The following TLE4 variants were observed in gnomAD, a reference collection of about 807,000 sequenced individuals.
TLE4 encodes TLE family member 4, transcriptional corepressor, also known as transducin-like enhancer protein 4.
Under a neutral mutation model 92.8 loss-of-function variants are expected in TLE4, and 8 were observed. The observed-to-expected ratio is 0.09, with a 90% CI of 0.05 to 0.16. TLE4 has a LOEUF of 0.16. Among genes scored for constraint, TLE4 ranks in the 10% least tolerant of loss-of-function variants. The pLI, the probability that TLE4 is intolerant of heterozygous loss-of-function variation, is 1.00. For missense variants in TLE4, 675 were observed against 997.6 expected, an observed-to-expected ratio of 0.68 and a Z score of 4.36; for synonymous variants, 371 against 374.1, an observed-to-expected ratio of 0.99 and a Z score of 0.10.
At chr9:79,608,078 G>T (rs1296082642) in intron 4 of TLE4, among the ~76,000 whole-genome samples, 1 of 151,954 alleles carries the variant, frequency 6.6e-6, no homozygotes, top group South Asian at 2.1e-4. Context: ...TTGCCTGTTT[G>T]CCCTGGCCAG....
chr9:79,646,899 G>T (rs2058191822), intron 6 of TLE4, among the ~76,000 whole-genome samples: 2 of 152,124 alleles, frequency 1.3e-5, no homozygotes, highest in Admixed American at 1.3e-4. Context: ...ATAAAACGGT[G>T]ACTGATAAAC....
intron 6 of TLE4, among the ~76,000 whole-genome samples, chr9:79,628,082 T>G (rs1439510150): frequency 6.7e-6 from 1 of 149,298 alleles, no homozygotes; most frequent in Non-Finnish European, 1.5e-5. Context: ...TATATGTATG[T>G]TTTTTTTTTC....
At chr9:79,607,306 C>A (rs2047267807) in intron 4 of TLE4, among the ~76,000 whole-genome samples, 1 of 152,020 alleles carries the variant, frequency 6.6e-6, no homozygotes, top group Admixed American at 6.6e-5. Flanking sequence ...CAAAAATTTT[C>A]TCCCATTCTG....
intron 4 of TLE4, among the ~76,000 whole-genome samples, chr9:79,588,183 C>G (rs2041657126): frequency 7.5e-6 from 1 of 133,200 alleles, no homozygotes; most frequent in Non-Finnish European, 1.6e-5. Context: ...GAGTCTCGCC[C>G]TGTTGCCAGG....
intron 4 of TLE4, among the ~76,000 whole-genome samples, chr9:79,599,547 A>G (rs2045034967): frequency 6.6e-6 from 1 of 152,216 alleles, no homozygotes; most frequent in South Asian, 2.1e-4. Context: ...TTGACGAGAA[A>G]GGGTCCCAAA....
chr9:79,591,814 T>C (rs1052576445), intron 4 of TLE4, among the ~76,000 whole-genome samples: 1 of 152,070 alleles, frequency 6.6e-6, no homozygotes, highest in Non-Finnish European at 1.5e-5. Context: ...AAAGATACTT[T>C]AGAAGGGGAG....
intron 6 of TLE4, among the ~76,000 whole-genome samples, chr9:79,640,117 T>A (rs540732717): frequency 6.6e-6 from 1 of 151,990 alleles, no homozygotes; most frequent in East Asian, 1.9e-4. Flanking sequence ...CCCTGGAAAT[T>A]TGGAACATAA....
chr9:79,707,052 T>C (rs753726277), intron 11 of TLE4, 153 bp downstream of exon 11: 50 of 1,580,090 alleles, frequency 3.2e-5, no homozygotes, highest in African/African-American at 4.1e-5. Flanking sequence ...GGCAAAAGTA[T>C]GTAGAGCAGA....
chr9:79,594,339 AC>A (rs1245503555), intron 4 of TLE4, among the ~76,000 whole-genome samples: 12 of 152,216 alleles, frequency 7.9e-5, no homozygotes, highest in African/African-American at 2.7e-4. Flanking sequence ...TTCCATTTCT[AC>A]ATTGTATCTC....
Position 79,618,784 on chromosome 9 carries a change from A to G in TLE4, c.315+6066A>G, listed in dbSNP as rs144677915. Among the ~76,000 whole-genome samples the G allele has an allele frequency of 5.9e-5, 9 of 152,330 alleles. No homozygotes were observed. In the East Asian group the frequency reaches 1.5e-3, roughly 26 times the overall value. On this transcript the variant is annotated intron_variant, in intron 5 of 19. Transcript: ENST00000376552. ...CACACCTGGGGGCCTGCACTTGCAC[A>G]TGAACGGAGCTGTTTTTCCCTTGCA...
chr9:79,630,067 C>G (rs189588520), intron 6 of TLE4, among the ~76,000 whole-genome samples: 13 of 152,262 alleles, frequency 8.5e-5, no homozygotes, highest in Admixed American at 3.3e-4. Flanking sequence ...GAGGCAAAGA[C>G]CCATCTAAGC....
Position 79,576,181 on chromosome 9 carries a change from A to C in TLE4, c.252+4A>C, listed in dbSNP as rs2037684941. The C allele has an allele frequency of 1.3e-6, 2 of 1,532,828 alleles. No homozygotes were observed. The highest frequency in any genetic ancestry group is 1.8e-6 in the Non-Finnish European group (2 of 1,131,514). The allele number at this position is 1,532,828 out of a possible 1,614,324, so 95.0% of individuals were successfully genotyped here. On this transcript the variant is annotated splice_donor_region_variant and intron_variant, in intron 4 of 19. Transcript: ENST00000376552. ...GAATATAGAAATGCACAAGCAGGTA[A>C]GTTATTTCTTTATAACCATTTTAAA...
intron 8 of TLE4, among the ~76,000 whole-genome samples, chr9:79,701,281 A>G (rs746410133): frequency 1.5e-4 from 23 of 152,240 alleles, no homozygotes; most frequent in Non-Finnish European, 2.9e-4. Context: ...TCATTCTACC[A>G]AGAAACTCCA....
At position 79,586,361 on chromosome 9, in the gene TLE4, CAAAA is replaced by C. The variant is rs796367203; in HGVS notation, c.252+10194_252+10197del. 3.6e-3 allele frequency among the ~76,000 whole-genome samples: 393 copies of C among 107,702 alleles called. 6 individuals carry two copies. The highest frequency in any genetic ancestry group is 1.1e-3 in the Non-Finnish European group (57 of 50,092). 70.7% of individuals were successfully genotyped at this position (107,702 alleles called of 152,430 possible). ...CTGACGTCAGAGCAAGACTCTGTCA[CAAAA>C]AAAAAAAAAGAAAAGAAAATTGTGT... On this transcript the variant is annotated intron_variant, in intron 4 of 19. Transcript: ENST00000376552.
chr9:79,635,560 G>A (rs1289591393), intron 6 of TLE4, among the ~76,000 whole-genome samples: 2 of 149,938 alleles, frequency 1.3e-5, no homozygotes, highest in African/African-American at 2.5e-5. Flanking sequence ...TAAGATATAT[G>A]CATTAAGTTG....
intron 4 of TLE4, among the ~76,000 whole-genome samples, chr9:79,586,806 T>A (rs1349585109): frequency 6.6e-6 from 1 of 152,182 alleles, no homozygotes; most frequent in Non-Finnish European, 1.5e-5. Flanking sequence ...TTTTAAAAAA[T>A]TTTTTTATTT....
At chr9:79,708,086 A>T in intron 11 of TLE4, 32 bp from the exon 12 acceptor site, 1 of 1,607,456 alleles carries the variant, frequency 6.2e-7, no homozygotes, top group Non-Finnish European at 8.5e-7. Flanking sequence ...ACCATGTTCT[A>T]ATTGCTGGTA....
At chr9:79,716,217 T>C (rs1200973140) in intron 14 of TLE4, among the ~76,000 whole-genome samples, 3 of 152,214 alleles carry the variant, frequency 2.0e-5, no homozygotes, top group African/African-American at 7.2e-5. Context: ...CTCCACCGAA[T>C]GCACTCTGGC....
chr9:79,670,412 C>T (rs185821220), intron 8 of TLE4, among the ~76,000 whole-genome samples: 19 of 152,256 alleles, frequency 1.2e-4, no homozygotes, highest in African/African-American at 4.3e-4. Flanking sequence ...TGGTACACTG[C>T]ACCCTCAGGC....
Sources: allele counts gnomAD v4.1 joint callset (sites outside exome capture counted in the v4.1 genomes callset), GRCh38; gene constraint gnomAD v4.1.1; transcripts MANE v1.5; gene names NCBI Gene and HGNC (gene_info 2026-07-23, HGNC 2026-07-21).